Variants in KRT7 observed in about 807,000 individuals in gnomAD.
KRT7 encodes the protein keratin, type II cytoskeletal 7.
KRT7 carries 50 observed loss-of-function variants against 42.8 expected under a neutral mutation model. That is an observed-to-expected ratio of 1.17 (90% CI 0.93 to 1.48). The LOEUF is 1.48. Ranked by LOEUF, KRT7 falls within the 40% of genes most tolerant of loss-of-function variation. The pLI is 0.00. For synonymous variants in KRT7, 268 were observed against 266.3 expected (o/e 1.01, Z -0.06); for missense variants, 588 against 637.6 (o/e 0.92, Z 0.84).
chr12:52,239,999 C>T (rs1159273710), intron 4 of KRT7, among the ~76,000 whole-genome samples: 1 of 152,204 alleles, frequency 6.6e-6, no homozygotes, highest in Admixed American at 6.5e-5. Context: ...GTTCTTCAGC[C>T]TAGTCTTTGC....
chr12:52,250,118 T>C (rs1181697543), downstream of KRT7, among the ~76,000 whole-genome samples: 1 of 151,928 alleles, frequency 6.6e-6, no homozygotes, highest in Admixed American at 6.5e-5. Context: ...TTAGAAGACA[T>C]TGGATTAGAA....
At chr12:52,245,743 T>G in intron 7 of KRT7, 111 bp downstream of exon 7, 1 of 1,360,348 alleles carries the variant, frequency 7.4e-7, no homozygotes, top group Non-Finnish European at 1.0e-6. Context: ...TGCAGGGCAC[T>G]GGGTGTGGGG....
downstream of KRT7, chr12:52,252,033 T>G (rs1354210809): frequency 4.2e-6 from 3 of 717,094 alleles, no homozygotes; most frequent in Non-Finnish European, 7.4e-6. Flanking sequence ...TTACAGACAT[T>G]TACAGCACCA....
rs1565723140 is a variant in KRT7, at chr12:52,248,210, CTG to C, written c.1240+1_1240+2del. 6.2e-7 allele frequency: 1 copy of C among 1,614,048 alleles called. No homozygotes were observed. The stretch of plus-strand genomic sequence containing the variant: ...GAGATGGAGTGGGAGCCGTGAATAT[CTG>C]TAAGTCCTTGGCTGCGGCCCATGGG... On this transcript the variant is annotated splice_donor_variant and coding_sequence_variant, in exon 8 of 9. Coordinates refer to ENST00000331817, the MANE Select transcript of KRT7 (RefSeq NM_005556.4). LOFTEE classifies it high-confidence loss of function.
rs1565716601 is a variant in KRT7, at chr12:52,235,377, C to CT, written c.536+12dup. The CT allele has an allele frequency of 2.5e-6, 4 of 1,597,844 alleles. No homozygotes were observed. The East Asian group carries it at 9.0e-5, about 36-fold the overall frequency. On this transcript the variant is annotated intron_variant, in intron 2 of 8. Transcript: ENST00000331817. Reference sequence around the variant, plus strand: ...GGACTTCAAGAATAAGTAATGCCCCCTGTGCCACATGCGAAGACCCCTGCC... The same window carrying CT: ...GGACTTCAAGAATAAGTAATGCCCCCTTGTGCCACATGCGAAGACCCCTGCC...
In KRT7 at chr12:52,233,378, T is replaced by TAA. The variant is rs761409688; in HGVS notation, c.82_83insAA (p.Ser28Ter). 3.2e-6 allele frequency: 5 copies of TAA among 1,570,888 alleles called. No individual in the cohort carries two copies. The South Asian group carries it at 5.8e-5, about 18-fold the overall frequency. ...CCGCGGCGCCCAGGTGCGCCTGAGCTCCGCTCGCCCCGGCGGCCTTGGCAG... is the reference window on the plus strand; with the variant it reads ...CCGCGGCGCCCAGGTGCGCCTGAGCTAACCGCTCGCCCCGGCGGCCTTGGCAG... ...SGRGAQVRLSSARPGGLGSSS... is the reference protein window; with the variant it reads ...SGRGAQVRLS The change falls in exon 1 of 9, where the codon TCC (serine) becomes TAACC (stop). Residue 28 changes from serine to a stop codon, truncating the protein, a stop_gained and frameshift_variant. Coordinates refer to ENST00000331817, the MANE Select transcript of KRT7 (RefSeq NM_005556.4). LOFTEE classifies it high-confidence loss of function.
chr12:52,248,090 C>G, intron 7 of KRT7, 87 bp from the exon 8 acceptor site: 1 of 1,271,576 alleles, frequency 7.9e-7, no homozygotes, highest in Non-Finnish European at 1.1e-6. Context: ...AATGATCCTG[C>G]TTGGGGCCTG....
intron 1 of KRT7, among the ~76,000 whole-genome samples, chr12:52,234,127 A>AGTGGGGGGGGGGGGGGGGGG (rs1555181950): frequency 1.2e-5 from 1 of 82,846 alleles, no homozygotes; most frequent in Non-Finnish European, 2.4e-5. Flanking sequence ...GGGGCGGGGG[A>AGTGGGGGGGGGGGGGGGGGG]GGGGGGGGGG....
chr12:52,234,545 C>T (rs946140367), intron 1 of KRT7, among the ~76,000 whole-genome samples: 2 of 152,084 alleles, frequency 1.3e-5, no homozygotes, highest in Admixed American at 1.3e-4. Context: ...TGCTCCAGGC[C>T]CAGGTTCCCC....
intron 3 of KRT7, chr12:52,237,797 G>T (rs73105194): frequency 0.1 from 38,301 of 372,380 alleles, 2,687 homozygotes; most frequent in Non-Finnish European, 0.14. Flanking sequence ...GCCTCTAGGG[G>T]TTAGAACTAA....
At chr12:52,237,410 G>T in intron 2 of KRT7, 99 bp from the exon 3 acceptor site, 1 of 834,764 alleles carries the variant, frequency 1.2e-6, no homozygotes, top group South Asian at 1.9e-5. Context: ...AAAGAGTAGG[G>T]GAAGGGAGGC....
Position 52,241,562 on chromosome 12 carries a change from G to A in KRT7, c.784G>A (p.Ala262Thr), listed in dbSNP as rs116303953. Reference protein sequence around the residue: ...SRSLDLDGIIAEVKAQYEEMA... With the variant: ...SRSLDLDGIITEVKAQYEEMA... Reference sequence around the variant, plus strand: ...CTCCCTGGACCTGGACGGCATCATCGCTGAGGTCAAGGCGCAGTATGAGGA... The same window carrying A: ...CTCCCTGGACCTGGACGGCATCATCACTGAGGTCAAGGCGCAGTATGAGGA... The change falls in exon 5 of 9, where the codon GCT (alanine) becomes ACT (threonine). Residue 262 changes from alanine to threonine, a missense_variant. Physicochemically the swap from Ala to Thr is moderately conservative, Grantham distance 58. Coordinates refer to ENST00000331817, the MANE Select transcript of KRT7 (RefSeq NM_005556.4). 3.4e-3 allele frequency: 5,432 copies of A among 1,613,968 alleles called. 176 individuals carry two copies. The African/African-American group carries it at 0.062, about 18-fold the overall frequency.
At chr12:52,248,568 A>T (rs754408359) in intron 8 of KRT7, 23 bp from the exon 9 acceptor site, 1 of 1,551,402 alleles carries the variant, frequency 6.4e-7, no homozygotes, top group Non-Finnish European at 8.7e-7. Context: ...CGCTGAAGAG[A>T]GCCCTCCTCT....
intron 6 of KRT7, among the ~76,000 whole-genome samples, chr12:52,244,019 G>A (rs1327450814): frequency 6.6e-6 from 1 of 152,230 alleles, no homozygotes; most frequent in African/African-American, 2.4e-5. Context: ...ATGGGGGAAG[G>A]GCCCCCAGCC....
intron 4 of KRT7, among the ~76,000 whole-genome samples, chr12:52,239,698 A>G (rs1048856904): frequency 8.5e-5 from 13 of 152,172 alleles, no homozygotes; most frequent in African/African-American, 2.9e-4. Flanking sequence ...AGGTAGGGCC[A>G]GCAGGGGAGC....
At chr12:52,240,326 G>A (rs954158630) in intron 4 of KRT7, among the ~76,000 whole-genome samples, 41 of 152,204 alleles carry the variant, frequency 2.7e-4, no homozygotes, top group Middle Eastern at 3.4e-3. Flanking sequence ...TAAGTAAATC[G>A]TAAATTGAAA....
chr12:52,253,207 C>T, downstream of KRT7: 1 of 1,604,200 alleles, frequency 6.2e-7, no homozygotes, highest in Non-Finnish European at 8.5e-7. Context: ...GGCTGGGCTC[C>T]CATACCTGGC....
At chr12:52,250,561 T>C (rs1592399605), downstream of KRT7, 1 of 1,242,158 alleles carries the variant, frequency 8.1e-7, no homozygotes, top group Non-Finnish European at 1.1e-6. Context: ...CAGGGGGCAC[T>C]GCAGACGCTG....
In KRT7 at chr12:52,248,361, A is replaced by T. The variant is rs1051847357; in HGVS notation, c.1240+150A>T. The T allele has an allele frequency of 1.7e-5, 16 of 944,378 alleles. No individual in the cohort carries two copies. In the African/African-American group the frequency reaches 2.0e-4, roughly 12 times the overall value. The allele number at this position is 944,378 out of a possible 1,614,324, so 58.5% of individuals were successfully genotyped here. On this transcript the variant is annotated intron_variant, in intron 8 of 8. Transcript: ENST00000331817. ...GGGATTGACAGGTCCCCTGGAGCAC[A>T]TACTGCCAGGCTCAATGGCCTGGGA...
Sources: allele counts gnomAD v4.1 joint callset (sites outside exome capture counted in the v4.1 genomes callset), GRCh38; gene constraint gnomAD v4.1.1; transcripts MANE v1.5; gene names NCBI Gene and HGNC (gene_info 2026-07-23, HGNC 2026-07-21).